Variants in CDH7 observed in about 807,000 individuals in gnomAD.
CDH7 encodes cadherin 7, also known as cadherin-7.
Under a neutral mutation model 71.8 loss-of-function variants are expected in CDH7, and 25 were observed. That is an observed-to-expected ratio of 0.35 (90% CI 0.25 to 0.49). The LOEUF (loss-of-function observed/expected upper bound fraction) is 0.49, where lower values mean the gene tolerates loss of function less well. CDH7 is among the 20% of genes least tolerant of loss of function. CDH7 has a pLI of 0.99. For missense variants in CDH7, 862 were observed against 974.6 expected, an observed-to-expected ratio of 0.88 and a Z score of 1.54; for synonymous variants, 381 against 363.8, an observed-to-expected ratio of 1.05 and a Z score of -0.54.
At position 65,885,589 on chromosome 18, in the gene CDH7, A is replaced by G. The variant is rs936759589; in HGVS notation, c.*4695A>G. On this transcript the variant is annotated 3_prime_UTR_variant, in exon 12 of 12. Coordinates refer to ENST00000397968, the MANE Select transcript of CDH7 (RefSeq NM_004361.5). ...CAGACGGGGTTTCACCGTGGTCTCG[A>G]TCTCCTGACCTCGTGATTCGCCCGC... 4.0e-5 allele frequency: 6 copies of G among 151,038 alleles called. No homozygotes were observed. The highest frequency in any genetic ancestry group is 4.0e-4 in the Admixed American group (6 of 15,132). 9.4% of individuals were successfully genotyped at this position (151,038 alleles called of 1,614,324 possible).
intron 2 of CDH7, among the ~76,000 whole-genome samples, chr18:65,804,599 A>G (rs913393974): frequency 3.3e-5 from 5 of 152,150 alleles, no homozygotes; most frequent in Non-Finnish European, 7.3e-5. Flanking sequence ...GGGCTCTACA[A>G]TCTTTAATTT....
Position 65,790,948 on chromosome 18 carries a change from T to C in CDH7, c.211-18756T>C, listed in dbSNP as rs186424724. ...GACCCACTAAAGTATGAAATTCCTA[T>C]GAACAGTTGCTGTGTTTGTAAGGGT... On this transcript the variant is annotated intron_variant, in intron 2 of 11. Transcript: ENST00000397968. Among the ~76,000 whole-genome samples, 406 of 152,346 alleles carry C rather than the reference T, an allele frequency of 2.7e-3. 5 individuals carry two copies. The highest frequency in any genetic ancestry group is 9.4e-3 in the African/African-American group (391 of 41,592).
In CDH7 at chr18:65,827,779, C is replaced by A. The variant is rs573277352; in HGVS notation, c.981+2948C>A. ...GATGTATAGCAACAGATGGCATGAA[C>A]CTAAGCAGTATGGTCTGCAATTTTT... is the stretch of plus-strand genomic sequence containing the variant. On this transcript the variant is annotated intron_variant, in intron 6 of 11. Coordinates refer to ENST00000397968, the MANE Select transcript of CDH7 (RefSeq NM_004361.5). Among the ~76,000 whole-genome samples the A allele has an allele frequency of 1.2e-4, 18 of 151,878 alleles. 1 individual carries two copies. In the South Asian group the frequency reaches 3.7e-3, roughly 32 times the overall value.
chr18:65,768,567 C>T (rs960273795), intron 2 of CDH7, among the ~76,000 whole-genome samples: 1 of 152,144 alleles, frequency 6.6e-6, no homozygotes, highest in Non-Finnish European at 1.5e-5. Flanking sequence ...AAGATATAAA[C>T]TGAAACGATG....
rs756066180 is a variant in CDH7 at position 65,758,403 on chromosome 18, G to A, written c.-196-4244G>A. ...GGTGGCACCTGACCTGAGGCCATGC[G>A]ACTCTTCCCCTGCTATAGAGGGCAT... On this transcript the variant is annotated intron_variant, in intron 1 of 11. Transcript: ENST00000397968. Among the ~76,000 whole-genome samples, 10 of 152,180 alleles carry A rather than the reference G, an allele frequency of 6.6e-5. 1 individual carries two copies. Among genetic ancestry groups the A allele is most frequent in the African/African-American group, 2.2e-4 (9 of 41,438 alleles).
At chr18:65,842,396 G>C (rs1437911623) in intron 6 of CDH7, among the ~76,000 whole-genome samples, 1 of 149,744 alleles carries the variant, frequency 6.7e-6, no homozygotes, top group Non-Finnish European at 1.5e-5. Flanking sequence ...ATATATATAT[G>C]TGTATATTTT....
chr18:65,843,734 G>A, intron 6 of CDH7, 78 bp from the exon 7 acceptor site: 1 of 1,310,170 alleles, frequency 7.6e-7, no homozygotes, highest in Non-Finnish European at 1.0e-6. Context: ...TAAGCTTATT[G>A]ACATTCATAA....
At chr18:65,849,427 T>C (rs191369131) in intron 7 of CDH7, among the ~76,000 whole-genome samples, 2 of 137,424 alleles carry the variant, frequency 1.5e-5, no homozygotes, top group African/African-American at 5.9e-5. Context: ...TTCTTTTCTT[T>C]CTTTTCTTTC....
Position 65,824,752 on chromosome 18 carries a change from T to C in CDH7, c.902T>C (p.Ile301Thr). 2 of 1,612,550 alleles carry C rather than the reference T, an allele frequency of 1.2e-6. No homozygotes were observed. Among genetic ancestry groups the C allele is most frequent in the Non-Finnish European group, 8.5e-7 (1 of 1,178,872 alleles). Residue 301 changes from isoleucine to threonine, a missense_variant, in exon 6 of 12, where the codon ATT becomes ACT. Transcript: ENST00000397968. ...GCTAATGCTGAAATGGAGTACAAGA[T>C]TGTGGATGGTGATGGTTTGGGCATT... ...IGANAEMEYKIVDGDGLGIFK... is the reference protein window; with the variant it reads ...IGANAEMEYKTVDGDGLGIFK...
At chr18:65,776,326 C>G (rs1909937464) in intron 2 of CDH7, among the ~76,000 whole-genome samples, 1 of 148,632 alleles carries the variant, frequency 6.7e-6, no homozygotes. Flanking sequence ...TTACATGGGA[C>G]AGCTTTTCAA....
intron 3 of CDH7, among the ~76,000 whole-genome samples, chr18:65,811,132 A>G (rs1158960055): frequency 6.6e-6 from 1 of 152,038 alleles, no homozygotes; most frequent in African/African-American, 2.4e-5. Context: ...GTTTATTTAA[A>G]ATAATAATGG....
intron 2 of CDH7, among the ~76,000 whole-genome samples, chr18:65,777,571 A>G (rs1909996226): frequency 6.6e-6 from 1 of 152,042 alleles, no homozygotes; most frequent in South Asian, 2.1e-4. Flanking sequence ...TTGTATTTGC[A>G]TGACAAATTC....
intron 2 of CDH7, among the ~76,000 whole-genome samples, chr18:65,770,004 C>T (rs957362340): frequency 1.3e-5 from 2 of 152,124 alleles, no homozygotes; most frequent in African/African-American, 2.4e-5. Flanking sequence ...CCTAAACTCT[C>T]ATTACAGATG....
At position 65,825,694 on chromosome 18, in the gene CDH7, A is replaced by G. The variant is rs542196594; in HGVS notation, c.981+863A>G. 2.6e-5 allele frequency among the ~76,000 whole-genome samples: 4 copies of G among 151,954 alleles called. No individual in the cohort carries two copies. The South Asian group carries it at 6.2e-4, about 24-fold the overall frequency. On this transcript the variant is annotated intron_variant, in intron 6 of 11. Coordinates refer to ENST00000397968, the MANE Select transcript of CDH7 (RefSeq NM_004361.5). ...TAATACTTTTCAATAATTAGCACAT[A>G]TCAATAAAAAAAGTGATATTTTATT... is the stretch of plus-strand genomic sequence containing the variant.
chr18:65,863,164 A>G, intron 11 of CDH7: 3 of 535,380 alleles, frequency 5.6e-6, no homozygotes, highest in Non-Finnish European at 6.7e-6. Context: ...CAGCCTCCCG[A>G]GTAGCTGGGA....
intron 2 of CDH7, among the ~76,000 whole-genome samples, chr18:65,770,022 ATAC>A (rs1916496971): frequency 6.6e-6 from 1 of 152,172 alleles, no homozygotes; most frequent in Admixed American, 6.6e-5. Flanking sequence ...ATGGGAATAA[ATAC>A]TACTGCTGGT....
intron 4 of CDH7, among the ~76,000 whole-genome samples, chr18:65,818,990 A>G (rs1378138659): frequency 6.6e-6 from 1 of 152,098 alleles, no homozygotes. Context: ...TCCGGTCACA[A>G]CCTTGTTGAC....
At chr18:65,874,333 T>G (rs1445837093) in intron 11 of CDH7, among the ~76,000 whole-genome samples, 1 of 152,132 alleles carries the variant, frequency 6.6e-6, no homozygotes, top group African/African-American at 2.4e-5. Context: ...CATTACTGAG[T>G]GATTTTAAAA....
chr18:65,768,764 A>T (rs1916455124), intron 2 of CDH7, among the ~76,000 whole-genome samples: 1 of 152,068 alleles, frequency 6.6e-6, no homozygotes, highest in African/African-American at 2.4e-5. Context: ...CAAGGACTAT[A>T]TTGGGAGAAA....
Sources: gnomAD v4.1 joint callset for allele counts (sites outside exome capture counted in the v4.1 genomes callset) on GRCh38, gnomAD v4.1.1 for gene constraint, MANE v1.5 for transcripts, NCBI Gene and HGNC (gene_info 2026-07-23, HGNC 2026-07-21) for gene names.